The following LRRC37A2 variants were observed in gnomAD, a reference collection of about 807,000 sequenced individuals.
LRRC37A2 encodes the protein leucine rich repeat containing 37 member A2, also known as leucine-rich repeat-containing protein 37A2.
Under a neutral mutation model 68.8 loss-of-function variants are expected in LRRC37A2, and 9 were observed. The observed-to-expected ratio is 0.13, with a 90% CI of 0.08 to 0.23. The LOEUF (loss-of-function observed/expected upper bound fraction) is 0.23, where lower values mean the gene tolerates loss of function less well. Among genes scored for constraint, LRRC37A2 ranks in the 10% least tolerant of loss-of-function variants. The probability of loss-of-function intolerance (pLI) is 1.00; values close to 1 mark genes in which losing one functional copy is unlikely to be tolerated. For synonymous variants in LRRC37A2, 63 were observed against 367.6 expected (o/e 0.17, Z 9.48); for missense variants, 168 against 950.4 (o/e 0.18, Z 10.82).
At chr17:46,954,500 G>T in the LRRC37A2 span, among the ~76,000 whole-genome samples, 4 of 152,110 alleles carry the variant, frequency 2.6e-5, no homozygotes, top group Admixed American at 2.6e-4. Context: ...TTTGGCCTTG[G>T]CAATGCAGGC....
chr17:46,918,111 G>A, the LRRC37A2 span, among the ~76,000 whole-genome samples: 1 of 152,170 alleles, frequency 6.6e-6, no homozygotes, highest in East Asian at 1.9e-4. Flanking sequence ...ACGGAATCTC[G>A]CTCTGTCGCC....
At chr17:47,033,342 A>T in the LRRC37A2 span, 12 of 696,860 alleles carry the variant, frequency 1.7e-5, no homozygotes, top group Non-Finnish European at 2.9e-5. Context: ...GAGGTCTTGT[A>T]TGGAGGAGCT....
the LRRC37A2 span, chr17:47,028,463 G>A: frequency 7.7e-6 from 6 of 783,104 alleles, no homozygotes; most frequent in Admixed American, 1.1e-4. Flanking sequence ...ACTCTGAAAA[G>A]CGTGTCTTAA....
the LRRC37A2 span, among the ~76,000 whole-genome samples, chr17:46,849,865 T>TTTTTG: frequency 6.6e-6 from 1 of 151,752 alleles, no homozygotes; most frequent in South Asian, 2.1e-4. Context: ...TTTTTTGTTT[T>TTTTTG]GAGATGGAGT....
At chr17:46,859,771 A>T in the LRRC37A2 span, among the ~76,000 whole-genome samples, 1 of 152,194 alleles carries the variant, frequency 6.6e-6, no homozygotes, top group Admixed American at 6.5e-5. Flanking sequence ...GAATCTATAC[A>T]TCAGTTCATG....
the LRRC37A2 span, among the ~76,000 whole-genome samples, chr17:47,004,767 G>A: frequency 6.6e-6 from 1 of 152,156 alleles, no homozygotes; most frequent in African/African-American, 2.4e-5. Context: ...TGTGCTCAAG[G>A]AATCCTCTCG....
chr17:46,951,654 G>A, the LRRC37A2 span, among the ~76,000 whole-genome samples: 1 of 152,138 alleles, frequency 6.6e-6, no homozygotes, highest in South Asian at 2.1e-4. Context: ...GAGCTTCCCC[G>A]TTCCCCTCTG....
At chr17:46,864,058 C>T in the LRRC37A2 span, among the ~76,000 whole-genome samples, 2,364 of 152,334 alleles carry the variant, frequency 0.016, 71 homozygotes, top group African/African-American at 0.054. Context: ...GGGGGTCACG[C>T]ACAAGGCATT....
downstream of LRRC37A2, chr17:46,557,140 G>C (rs1426659974): frequency 1.8e-6 from 1 of 545,810 alleles, no homozygotes; most frequent in African/African-American, 2.1e-5. Context: ...CATCATTCAG[G>C]AATTTCCAAG....
chr17:46,871,631 GAGA>G, the LRRC37A2 span, among the ~76,000 whole-genome samples: 2 of 152,154 alleles, frequency 1.3e-5, no homozygotes, highest in Non-Finnish European at 2.9e-5. Context: ...CTAGGAGGTA[GAGA>G]AGATCACTCT....
chr17:46,501,093 T>C, the LRRC37A2 span, among the ~76,000 whole-genome samples: 117 of 151,440 alleles, frequency 7.7e-4, 8 homozygotes, highest in African/African-American at 2.8e-3. Context: ...TATCCCTGTG[T>C]TGCCCAGGCT....
chr17:46,525,602 T>TAATATA (rs1346950818), intron 6 of LRRC37A2, among the ~76,000 whole-genome samples: 13 of 103,256 alleles, frequency 1.3e-4, no homozygotes, highest in East Asian at 8.0e-4. Context: ...ATAATAATAA[T>TAATATA]ATAATAATAA....
At chr17:46,799,531 T>A in the LRRC37A2 span, among the ~76,000 whole-genome samples, 1 of 148,480 alleles carries the variant, frequency 6.7e-6, no homozygotes, top group Admixed American at 6.8e-5. Context: ...AACTGCAACC[T>A]CCGCCTCCCA....
the LRRC37A2 span, among the ~76,000 whole-genome samples, chr17:46,833,804 G>A: frequency 7.2e-5 from 11 of 152,230 alleles, no homozygotes; most frequent in Non-Finnish European, 1.2e-4. Context: ...GCTCCTGATC[G>A]GGAGGCTTGC....
chr17:46,988,286 C>T, the LRRC37A2 span, among the ~76,000 whole-genome samples: 1 of 152,068 alleles, frequency 6.6e-6, no homozygotes, highest in Admixed American at 6.6e-5. Context: ...AAGGTAAATC[C>T]AAAGAGAGAA....
chr17:46,726,497 TGTC>T, the LRRC37A2 span: 7 of 1,537,668 alleles, frequency 4.6e-6, no homozygotes, highest in Non-Finnish European at 6.3e-6. Context: ...TCTTGGAAAT[TGTC>T]GTAACTGTGG....
At chr17:46,806,789 C>T in the LRRC37A2 span, among the ~76,000 whole-genome samples, 2 of 152,238 alleles carry the variant, frequency 1.3e-5, no homozygotes, top group Non-Finnish European at 2.9e-5. Context: ...GTTGTGAGGA[C>T]ACCTTGCTGG....
At chr17:46,602,599 T>C in the LRRC37A2 span, 1 of 52,972 alleles carries the variant, frequency 1.9e-5, no homozygotes, top group Non-Finnish European at 3.4e-5. Flanking sequence ...AAGGGCTGCA[T>C]TGGTGGGTTT....
chr17:46,989,930 C>T, the LRRC37A2 span, among the ~76,000 whole-genome samples: 1 of 152,260 alleles, frequency 6.6e-6, no homozygotes, highest in Non-Finnish European at 1.5e-5. Flanking sequence ...CAGAGCTCTG[C>T]AGCTGAGCCC....
Sources: allele counts gnomAD v4.1 joint callset (sites outside exome capture counted in the v4.1 genomes callset), GRCh38; gene constraint gnomAD v4.1.1; transcripts MANE v1.5; gene names NCBI Gene and HGNC (gene_info 2026-07-23, HGNC 2026-07-21).